Variants in EPHA6 observed in about 807,000 individuals in gnomAD.
The protein encoded by EPHA6 is EPH receptor A6, also known as ephrin type-A receptor 6.
Under a neutral mutation model 112.0 loss-of-function variants are expected in EPHA6, and 50 were observed. The observed-to-expected ratio is 0.45, with a 90% CI of 0.36 to 0.56. EPHA6 has a LOEUF of 0.56. Among genes scored for constraint, EPHA6 ranks in the 20% least tolerant of loss-of-function variants. EPHA6 has a pLI of 0.00. For missense variants in EPHA6, 1,280 were observed against 1,417.4 expected, an observed-to-expected ratio of 0.90 and a Z score of 1.56; for synonymous variants, 529 against 490.7, an observed-to-expected ratio of 1.08 and a Z score of -1.03.
At chr3:97,355,192 T>C (rs1312801543) in intron 5 of EPHA6, among the ~76,000 whole-genome samples, 1 of 152,122 alleles carries the variant, frequency 6.6e-6, no homozygotes. Flanking sequence ...TCAGCGGTAA[T>C]AGTAGGTACA....
At chr3:97,365,680 G>A (rs143482098) in intron 5 of EPHA6, among the ~76,000 whole-genome samples, 239 of 152,288 alleles carry the variant, frequency 1.6e-3, no homozygotes, top group African/African-American at 5.4e-3. Flanking sequence ...CAGCCACCGT[G>A]CCCAGCCAGG....
intron 2 of EPHA6, among the ~76,000 whole-genome samples, chr3:96,913,931 T>G (rs1162780457): frequency 6.6e-6 from 1 of 152,184 alleles, no homozygotes; most frequent in Non-Finnish European, 1.5e-5. Context: ...AGATAAGTGA[T>G]GTGGTATGTG....
intron 5 of EPHA6, among the ~76,000 whole-genome samples, chr3:97,337,878 C>T (rs532881710): frequency 2.4e-4 from 37 of 152,182 alleles, no homozygotes; most frequent in Non-Finnish European, 4.1e-4. Flanking sequence ...CCTTTGAAGA[C>T]GAGCAACTCA....
rs563981801 is a variant in EPHA6, at chr3:97,092,362, A to G, written c.1114+104369A>G. The stretch of plus-strand genomic sequence containing the variant: ...TAGACAAAATGTTAATCAAATAGAG[A>G]TCACAGTTTTAGTCCTGTCAGTGTA... On this transcript the variant is annotated intron_variant, in intron 3 of 17. Transcript: ENST00000389672. Among the ~76,000 whole-genome samples the G allele has an allele frequency of 1.2e-4, 19 of 152,184 alleles. No homozygotes were observed. In the South Asian group the frequency reaches 2.1e-3, roughly 17 times the overall value.
intron 1 of EPHA6, among the ~76,000 whole-genome samples, chr3:96,864,357 A>G (rs1029497220): frequency 6.6e-6 from 1 of 152,128 alleles, no homozygotes; most frequent in African/African-American, 2.4e-5. Context: ...ACAGTGGAAT[A>G]GGTTTCAGCA....
At chr3:97,672,265 A>G (rs1560252813) in intron 14 of EPHA6, among the ~76,000 whole-genome samples, 1 of 152,190 alleles carries the variant, frequency 6.6e-6, no homozygotes, top group Non-Finnish European at 1.5e-5. Context: ...TTTTAACTCT[A>G]AAGAATGCTG....
At chr3:97,014,437 CTTCCT>C (rs958307901) in intron 3 of EPHA6, among the ~76,000 whole-genome samples, 21 of 150,716 alleles carry the variant, frequency 1.4e-4, no homozygotes, top group Non-Finnish European at 2.8e-4. Context: ...CACCTTCCTT[CTTCCT>C]TTCCTTTCCT....
At position 97,749,456 on chromosome 3, in the gene EPHA6, T is replaced by C. The variant is rs953632738; in HGVS notation, c.*755T>C. ...ATTTTATTTATTTATTTATTTATTT[T>C]TACTAACCGTAGTATATTTCTCTAC... On this transcript the variant is annotated 3_prime_UTR_variant, in exon 18 of 18. Coordinates refer to ENST00000389672, the MANE Select transcript of EPHA6 (RefSeq NM_001080448.3). Among the ~76,000 whole-genome samples, 25 of 152,154 alleles carry C rather than the reference T, an allele frequency of 1.6e-4. No homozygotes were observed. Among genetic ancestry groups the C allele is most frequent in the Non-Finnish European group, 2.9e-4 (20 of 68,032 alleles).
At chr3:97,257,600 CTATAAAA>C (rs2079359767) in intron 5 of EPHA6, among the ~76,000 whole-genome samples, 1 of 151,944 alleles carries the variant, frequency 6.6e-6, no homozygotes, top group South Asian at 2.1e-4. Context: ...GCAGGAGTAA[CTATAAAA>C]TTACATGGTA....
chr3:97,203,918 G>T (rs1032177487), intron 3 of EPHA6, among the ~76,000 whole-genome samples: 2 of 152,184 alleles, frequency 1.3e-5, no homozygotes, highest in East Asian at 3.9e-4. Context: ...CACCAGCGTG[G>T]CACATGTATA....
At chr3:97,270,925 C>T (rs1473597515) in intron 5 of EPHA6, among the ~76,000 whole-genome samples, 1 of 152,154 alleles carries the variant, frequency 6.6e-6, no homozygotes, top group Non-Finnish European at 1.5e-5. Flanking sequence ...TAGTCTGTGG[C>T]TTATGGTTTC....
intron 2 of EPHA6, among the ~76,000 whole-genome samples, chr3:96,936,195 G>A (rs2040572515): frequency 6.6e-6 from 1 of 151,894 alleles, no homozygotes; most frequent in South Asian, 2.1e-4. Flanking sequence ...TTTTTGTATG[G>A]CAATACGTCA....
At chr3:97,739,829 T>G (rs1026376624) in intron 16 of EPHA6, among the ~76,000 whole-genome samples, 1 of 152,164 alleles carries the variant, frequency 6.6e-6, no homozygotes, top group African/African-American at 2.4e-5. Context: ...TGTATTAATA[T>G]AGGCAGTTAT....
rs182211323 is a variant in EPHA6 at position 97,270,884 on chromosome 3, G to T, written c.1606+26597G>T. Among the ~76,000 whole-genome samples, 7 of 152,278 alleles carry T rather than the reference G, an allele frequency of 4.6e-5. No individual in the cohort carries two copies. In the East Asian group the frequency reaches 1.4e-3, roughly 29 times the overall value. On this transcript the variant is annotated intron_variant, in intron 5 of 17. Coordinates refer to ENST00000389672, the MANE Select transcript of EPHA6 (RefSeq NM_001080448.3). ...TTATCATTGTACAACAGAAAGCCTA[G>T]AAGTAACTCCCTGAATTCCCAGTCA...
chr3:97,202,950 G>T (rs892813604), intron 3 of EPHA6, among the ~76,000 whole-genome samples: 1 of 152,134 alleles, frequency 6.6e-6, no homozygotes, highest in East Asian at 1.9e-4. Flanking sequence ...ATATCTTTGG[G>T]GTAATCCAGA....
intron 11 of EPHA6, among the ~76,000 whole-genome samples, chr3:97,575,529 T>G (rs2093374543): frequency 6.6e-6 from 1 of 152,162 alleles, no homozygotes; most frequent in Non-Finnish European, 1.5e-5. Context: ...AAAAAACATC[T>G]GAGAGGTTAC....
chr3:97,474,308 ATAT>A (rs1560046095), intron 7 of EPHA6, among the ~76,000 whole-genome samples: 1 of 151,864 alleles, frequency 6.6e-6, no homozygotes, highest in East Asian at 1.9e-4. Flanking sequence ...AGATTAATAG[ATAT>A]TATTTATTTT....
chr3:97,361,013 G>A (rs1316197014), intron 5 of EPHA6, among the ~76,000 whole-genome samples: 2 of 152,080 alleles, frequency 1.3e-5, no homozygotes, highest in Admixed American at 6.6e-5. Context: ...GCCCTTTTGA[G>A]TTGTTTTCCC....
At chr3:96,999,536 G>A (rs2107896193) in intron 3 of EPHA6, among the ~76,000 whole-genome samples, 1 of 151,452 alleles carries the variant, frequency 6.6e-6, no homozygotes, top group African/African-American at 2.4e-5. Context: ...TACAGTATAT[G>A]GCTACACATA....
Sources: gnomAD v4.1 joint callset for allele counts (sites outside exome capture counted in the v4.1 genomes callset) on GRCh38, gnomAD v4.1.1 for gene constraint, MANE v1.5 for transcripts, NCBI Gene and HGNC (gene_info 2026-07-23, HGNC 2026-07-21) for gene names.